CEP152: variants seen among roughly 807,000 people sequenced by gnomAD.
The protein encoded by CEP152 is centrosomal protein 152.
Under a neutral mutation model 188.9 loss-of-function variants are expected in CEP152, and 132 were observed. The ratio of observed to expected loss-of-function variants is 0.70; its 90% CI spans 0.61 to 0.81. The LOEUF (loss-of-function observed/expected upper bound fraction) is 0.81. Among genes scored for constraint, CEP152 ranks in the 30% least tolerant of loss-of-function variants. The pLI, the probability that CEP152 is intolerant of heterozygous loss-of-function variation, is 0.00. For synonymous variants in CEP152, 649 were observed against 666.6 expected, an observed-to-expected ratio of 0.97 and a Z score of 0.41; for missense variants, 1,914 against 1,969.8, an observed-to-expected ratio of 0.97 and a Z score of 0.54.
chr15:48,734,097 G>A (rs1483107074), downstream of CEP152, among the ~76,000 whole-genome samples: 1 of 151,912 alleles, frequency 6.6e-6, no homozygotes, highest in African/African-American at 2.4e-5. Flanking sequence ...TACTACGTCA[G>A]TAAATATAAA....
intron 20 of CEP152, 126 bp from the exon 21 acceptor site, chr15:48,752,595 A>G (rs1212191914): frequency 1.4e-6 from 2 of 1,441,048 alleles, no homozygotes; most frequent in East Asian, 2.5e-5. Context: ...TGAACTATCT[A>G]TCGCCAATAT....
In CEP152 at chr15:48,788,777, T is replaced by C. The variant is rs531506328; in HGVS notation, c.1173+24A>G. 69 of 1,599,090 alleles carry C rather than the reference T, an allele frequency of 4.3e-5. No homozygotes were observed. The South Asian group carries it at 7.3e-4, about 17-fold the overall frequency. ...AACCAGCTTTACTTGTTGATAACAG[T>C]TGCTCATTTGAAATCATCCCAACCT... On this transcript the variant is annotated intron_variant, in intron 9 of 26. Transcript: ENST00000380950.
Position 48,796,118 on chromosome 15 carries a change from A to T in CEP152, c.583T>A (p.Tyr195Asn). 6.2e-7 allele frequency: 1 copy of T among 1,613,930 alleles called. No homozygotes were observed. Among genetic ancestry groups the T allele is most frequent in the Non-Finnish European group, 8.5e-7 (1 of 1,179,854 alleles). ...TGGGCAGAAGACTGATAAGGTTTAT[A>T]TGTCACTTTATTATACGGTTCCAAA... ...QGLEPYNKVT[Y>N]KPYQSSAQNN... Residue 195 changes from tyrosine (Y) to asparagine (N), a missense_variant, in exon 6 of 27, where the codon TAT (tyrosine) becomes AAT (asparagine). Physicochemically the swap from Tyr to Asn is moderately radical, Grantham distance 143 (BLOSUM62 -2). Transcript: ENST00000380950.
chr15:48,745,487 G>C (rs1436604767), intron 22 of CEP152, among the ~76,000 whole-genome samples: 3 of 151,956 alleles, frequency 2.0e-5, no homozygotes, highest in African/African-American at 7.3e-5. Flanking sequence ...CAACAAGGCT[G>C]TTTATTTCAC....
intron 2 of CEP152, among the ~76,000 whole-genome samples, chr15:48,803,788 T>C (rs951314883): frequency 2.6e-5 from 4 of 152,228 alleles, no homozygotes; most frequent in Admixed American, 2.0e-4. Flanking sequence ...CCTATCTCTC[T>C]AATATATTTC....
intron 24 of CEP152, among the ~76,000 whole-genome samples, chr15:48,743,986 C>T (rs1030106164): frequency 3.9e-5 from 6 of 151,972 alleles, no homozygotes; most frequent in Admixed American, 3.9e-4. Context: ...ATACTAGTGT[C>T]CAAAAAGAAA....
chr15:48,758,872 T>C (rs1319810465), intron 19 of CEP152, among the ~76,000 whole-genome samples: 1 of 152,102 alleles, frequency 6.6e-6, no homozygotes, highest in Non-Finnish European at 1.5e-5. Context: ...AAAACACTTT[T>C]CTCTCATTTC....
chr15:48,741,560 GAA>G, intron 26 of CEP152, 39 bp downstream of exon 26: 1 of 1,613,664 alleles, frequency 6.2e-7, no homozygotes. Flanking sequence ...AGCTAAAGAA[GAA>G]AAGATAGAAA....
chr15:48,749,063 AG>A (rs1241687810), intron 21 of CEP152, among the ~76,000 whole-genome samples: 3 of 152,098 alleles, frequency 2.0e-5, no homozygotes, highest in African/African-American at 4.8e-5. Context: ...GCCAGTTTGA[AG>A]GAGCTCCACT....
chr15:48,782,365 A>G, intron 10 of CEP152, 135 bp from the exon 11 acceptor site: 7 of 749,774 alleles, frequency 9.3e-6, no homozygotes, highest in South Asian at 8.9e-5. Flanking sequence ...TTTAGAATAC[A>G]TAGAGCCCAT....
At chr15:48,752,327 G>A in intron 21 of CEP152, 22 bp downstream of exon 21, 1 of 1,614,024 alleles carries the variant, frequency 6.2e-7, no homozygotes, top group Non-Finnish European at 8.5e-7. Flanking sequence ...TACAAAGACT[G>A]GTGGGAACAA....
chr15:48,775,122 A>G (rs1895806516), intron 12 of CEP152, among the ~76,000 whole-genome samples: 1 of 152,026 alleles, frequency 6.6e-6, no homozygotes, highest in South Asian at 2.1e-4. Flanking sequence ...AACTATAGAA[A>G]AAAATGAACA....
intron 21 of CEP152, among the ~76,000 whole-genome samples, chr15:48,750,260 G>A (rs1445126851): frequency 6.6e-6 from 1 of 152,038 alleles, no homozygotes; most frequent in African/African-American, 2.4e-5. Flanking sequence ...AGCTGGCACA[G>A]AGCAAGTACA....
chr15:48,760,885 C>T (rs1894635798), intron 18 of CEP152, among the ~76,000 whole-genome samples: 2 of 152,010 alleles, frequency 1.3e-5, no homozygotes, highest in African/African-American at 4.8e-5. Context: ...AAAATACACA[C>T]AGATATGCAG....
intron 26 of CEP152, chr15:48,741,173 A>G: frequency 1.0e-6 from 1 of 987,146 alleles, no homozygotes; most frequent in Non-Finnish European, 1.2e-6. Context: ...TCTGTCACCC[A>G]GGCTGGAGTA....
chr15:48,730,171 G>C (rs1461548555), intron 2 of CEP152, among the ~76,000 whole-genome samples: 1 of 152,178 alleles, frequency 6.6e-6, no homozygotes, highest in East Asian at 1.9e-4. Context: ...TCCCCAGCTT[G>C]ATCAGTGAGG....
chr15:48,788,258 G>A (rs866599701), intron 9 of CEP152, among the ~76,000 whole-genome samples: 3 of 151,326 alleles, frequency 2.0e-5, no homozygotes, highest in Non-Finnish European at 2.9e-5. Flanking sequence ...ACTAATAATC[G>A]TATAAGAAGT....
intron 17 of CEP152, among the ~76,000 whole-genome samples, chr15:48,766,137 G>A (rs1279795728): frequency 6.6e-6 from 1 of 152,016 alleles, no homozygotes; most frequent in Non-Finnish European, 1.5e-5. Context: ...ATGTATACAT[G>A]GCACATTTTT....
chr15:48,788,015 TC>T (rs1896766310), intron 9 of CEP152, among the ~76,000 whole-genome samples: 1 of 152,162 alleles, frequency 6.6e-6, no homozygotes, highest in South Asian at 2.1e-4. Context: ...TTTACTCTCT[TC>T]CCAAGAATCA....
Sources: gnomAD v4.1 joint callset for allele counts (sites outside exome capture counted in the v4.1 genomes callset) on GRCh38, gnomAD v4.1.1 for gene constraint, MANE v1.5 for transcripts, NCBI Gene and HGNC (gene_info 2026-07-23, HGNC 2026-07-21) for gene names.